Variants in LEMD3 observed in about 807,000 individuals in gnomAD.
The protein encoded by LEMD3 is LEM domain containing 3.
Under a neutral mutation model 95.2 loss-of-function variants are expected in LEMD3, and 33 were observed. The observed-to-expected ratio is 0.35, with a 90% CI of 0.26 to 0.46. The LOEUF (loss-of-function observed/expected upper bound fraction) is 0.46. LEMD3 is among the 20% of genes least tolerant of loss of function. The pLI is 1.00. For missense variants in LEMD3, 1,210 were observed against 1,192.8 expected, an observed-to-expected ratio of 1.01 and a Z score of -0.21; for synonymous variants, 525 against 474.6, an observed-to-expected ratio of 1.11 and a Z score of -1.38.
At chr12:65,218,783 C>CTTTTT (rs10676847) in intron 4 of LEMD3, among the ~76,000 whole-genome samples, 164 bp downstream of exon 4, 15 of 123,080 alleles carry the variant, frequency 1.2e-4, no homozygotes, top group African/African-American at 3.7e-4. Context: ...AATTGTTCAA[C>CTTTTT]TTTTTTTTTT....
rs1868471959 is a variant in LEMD3, at chr12:65,170,095, T to C, written c.499T>C (p.Tyr167His). The change falls in exon 1 of 13, where the codon TAC becomes CAC. Residue 167 changes from tyrosine to histidine, a missense_variant. Transcript: ENST00000308330. ...GAGGAAAGACCGGGCTTCGCTCCAG[T>C]ACCGCGGGCTCAAAGCGCCGCCGGC... is the stretch of plus-strand genomic sequence containing the variant. Reference protein sequence around the residue: ...GGRKDRASLQYRGLKAPPAPL... With the variant: ...GGRKDRASLQHRGLKAPPAPL... 2.0e-6 allele frequency: 3 copies of C among 1,468,590 alleles called. No homozygotes were observed. Among genetic ancestry groups the C allele is most frequent in the East Asian group, 2.5e-5 (1 of 39,926 alleles). 91.0% of individuals were successfully genotyped at this position (1,468,590 alleles called of 1,614,324 possible).
At chr12:65,234,084 T>C (rs1002954564) in intron 4 of LEMD3, among the ~76,000 whole-genome samples, 1 of 152,326 alleles carries the variant, frequency 6.6e-6, no homozygotes, top group South Asian at 2.1e-4. Context: ...ATTTTTGTCA[T>C]CAGTTATTGG....
At chr12:65,219,977 C>T (rs1026925393) in intron 4 of LEMD3, among the ~76,000 whole-genome samples, 1 of 152,178 alleles carries the variant, frequency 6.6e-6, no homozygotes, top group African/African-American at 2.4e-5. Flanking sequence ...GTTTCCACCT[C>T]TTGGCTATTG....
chr12:65,206,224 T>G (rs1174067105), intron 1 of LEMD3, among the ~76,000 whole-genome samples: 1 of 152,206 alleles, frequency 6.6e-6, no homozygotes, highest in Non-Finnish European at 1.5e-5. Flanking sequence ...TTTGAATGTC[T>G]GTTTACATAA....
intron 1 of LEMD3, among the ~76,000 whole-genome samples, chr12:65,194,401 A>G (rs1256876686): frequency 1.3e-5 from 2 of 152,100 alleles, no homozygotes; most frequent in African/African-American, 2.4e-5. Context: ...TTTGGAGGCT[A>G]GGGTTTTTCA....
At chr12:65,187,862 T>A (rs532543686) in intron 1 of LEMD3, among the ~76,000 whole-genome samples, 15 of 152,128 alleles carry the variant, frequency 9.9e-5, no homozygotes, top group Non-Finnish European at 1.9e-4. Flanking sequence ...ATCTTTGTAT[T>A]CCCTAGCACC....
In LEMD3 at chr12:65,174,833, A is replaced by G. The variant is rs530234189; in HGVS notation, c.1522+3715A>G. On this transcript the variant is annotated intron_variant, in intron 1 of 12. Coordinates refer to ENST00000308330, the MANE Select transcript of LEMD3 (RefSeq NM_014319.5). ...ATGGACAAGTAAATAAGAATTTCAC[A>G]TAATGGTAGTTGCTAACACAAGGTA... 5.6e-4 allele frequency among the ~76,000 whole-genome samples: 85 copies of G among 152,352 alleles called. No individual in the cohort carries two copies. In the South Asian group the frequency reaches 9.3e-3, roughly 17 times the overall value.
intron 1 of LEMD3, among the ~76,000 whole-genome samples, chr12:65,205,315 C>G (rs925860332): frequency 6.6e-6 from 1 of 152,102 alleles, no homozygotes; most frequent in Admixed American, 6.6e-5. Context: ...TTCTGCCCCC[C>G]TCAAGAATCT....
rs368502571 is a variant in LEMD3 at position 65,170,731 on chromosome 12, T to G, written c.1135T>G (p.Leu379Val). 45 of 1,614,224 alleles carry G rather than the reference T, an allele frequency of 2.8e-5. No individual in the cohort carries two copies. Among genetic ancestry groups the G allele is most frequent in the Non-Finnish European group, 3.6e-5 (43 of 1,180,044 alleles). ...GCCACTTACTGACATGGACTCAACC[T>G]TGGATTCGTCAACAGGCTCCCTTCT... ...PPPLTDMDST[L>V]DSSTGSLLKT... The change falls in exon 1 of 13, where the codon TTG (leucine) becomes GTG (valine). Residue 379 changes from leucine to valine, a missense_variant. By Grantham distance (32) the Leu-to-Val change is conservative. Coordinates refer to ENST00000308330, the MANE Select transcript of LEMD3 (RefSeq NM_014319.5).
intron 1 of LEMD3, among the ~76,000 whole-genome samples, chr12:65,178,733 C>T (rs1339131401): frequency 6.6e-6 from 1 of 152,084 alleles, no homozygotes; most frequent in Non-Finnish European, 1.5e-5. Flanking sequence ...GTAACTCGCC[C>T]AGGGTCATGT....
chr12:65,238,366 T>C (rs543211428), intron 4 of LEMD3, 136 bp from the exon 5 acceptor site: 27 of 639,016 alleles, frequency 4.2e-5, no homozygotes, highest in Middle Eastern at 8.5e-4. Context: ...CTCATTCTTT[T>C]TAAAATTTTC....
rs1443987837 is a variant in LEMD3 at position 65,247,431 on chromosome 12, A to AT, written c.*1108dup. The AT allele has an allele frequency of 1.3e-5, 2 of 152,566 alleles. No individual in the cohort carries two copies. Among genetic ancestry groups the AT allele is most frequent in the African/African-American group, 4.8e-5 (2 of 41,466 alleles). 9.5% of individuals were successfully genotyped at this position (152,566 alleles called of 1,614,324 possible). ...TTGCAGCAAAATGTGTATTTGACAA[A>AT]TTATACTTGCAATTTTGGGTCATGA... is the stretch of plus-strand genomic sequence containing the variant. On this transcript the variant is annotated 3_prime_UTR_variant, in exon 13 of 13. Coordinates refer to ENST00000308330, the MANE Select transcript of LEMD3 (RefSeq NM_014319.5).
Position 65,238,728 on chromosome 12 carries a change from A to G in LEMD3, c.1835A>G (p.Gln612Arg). 2 of 1,614,032 alleles carry G rather than the reference A, an allele frequency of 1.2e-6. 1 individual carries two copies. Among genetic ancestry groups the G allele is most frequent in the South Asian group, 2.2e-5 (2 of 91,082 alleles). Reference sequence around the variant, plus strand: ...AATATAACTGATGTGCAGTTTTTACAGTCCACAAGACCACTGATGTCTTTT... The same window carrying G: ...AATATAACTGATGTGCAGTTTTTACGGTCCACAAGACCACTGATGTCTTTT... ...LTNITDVQFL[Q>R]STRPLMSFWC... Residue 612 changes from glutamine to arginine, a missense_variant, in exon 6 of 13, where the codon CAG (glutamine) becomes CGG (arginine). Transcript: ENST00000308330.
intron 1 of LEMD3, among the ~76,000 whole-genome samples, chr12:65,176,972 AAG>A (rs1868739649): frequency 1.3e-5 from 2 of 152,180 alleles, no homozygotes; most frequent in Non-Finnish European, 2.9e-5. Context: ...GGATATATAA[AAG>A]AAATCTTATT....
At chr12:65,187,730 T>C (rs1339624712) in intron 1 of LEMD3, among the ~76,000 whole-genome samples, 2 of 152,074 alleles carry the variant, frequency 1.3e-5, no homozygotes, top group Non-Finnish European at 2.9e-5. Context: ...TTTTTGAATA[T>C]GTATGCATTT....
intron 1 of LEMD3, among the ~76,000 whole-genome samples, chr12:65,177,159 T>C (rs1041452947): frequency 6.6e-6 from 1 of 152,160 alleles, no homozygotes; most frequent in African/African-American, 2.4e-5. Context: ...ATTCTGTAGG[T>C]TGAGTAATGG....
chr12:65,222,288 C>T (rs967912289), intron 4 of LEMD3, among the ~76,000 whole-genome samples: 30 of 152,184 alleles, frequency 2.0e-4, no homozygotes, highest in African/African-American at 6.7e-4. Context: ...ATCTTTGTGT[C>T]TGAGGTATAT....
At chr12:65,200,478 C>T (rs1158389900) in intron 1 of LEMD3, among the ~76,000 whole-genome samples, 1 of 152,098 alleles carries the variant, frequency 6.6e-6, no homozygotes, top group Non-Finnish European at 1.5e-5. Context: ...CAAGACCTTC[C>T]ACCAGTAATA....
In LEMD3 at chr12:65,243,414, C is replaced by T. The variant is rs1380059533; in HGVS notation, c.2332C>T (p.Pro778Ser). 6.2e-7 allele frequency: 1 copy of T among 1,601,678 alleles called. No homozygotes were observed. Among genetic ancestry groups the T allele is most frequent in the Non-Finnish European group, 8.6e-7 (1 of 1,168,936 alleles). ...ATTTCATTTAGATAGAAGAAATTCA[C>T]CACCAAATAGTTTGACACCGTGTCT... Reference protein sequence around the residue: ...QAFHLDRRNSPPNSLTPCLKI... With the variant: ...QAFHLDRRNSSPNSLTPCLKI... Residue 778 changes from proline (P) to serine (S), a missense_variant, in exon 10 of 13, where the codon CCA becomes TCA. Transcript: ENST00000308330.
Sources: gnomAD v4.1 joint callset for allele counts (sites outside exome capture counted in the v4.1 genomes callset) on GRCh38, gnomAD v4.1.1 for gene constraint, MANE v1.5 for transcripts, NCBI Gene and HGNC (gene_info 2026-07-23, HGNC 2026-07-21) for gene names.